Variants in RIF1 observed in about 807,000 individuals in gnomAD.
RIF1 encodes telomere-associated protein RIF1.
In RIF1, 45 loss-of-function variants were observed where a neutral mutation model predicts 247.1. The observed-to-expected ratio is 0.18, with a 90% CI of 0.14 to 0.23. RIF1 has a LOEUF of 0.23. RIF1 is among the 10% of genes least tolerant of loss of function. The pLI is 1.00. For missense variants in RIF1, 2,967 were observed against 2,862.5 expected, an observed-to-expected ratio of 1.04 and a Z score of -0.83; for synonymous variants, 1,087 against 978.8, an observed-to-expected ratio of 1.11 and a Z score of -2.06.
intron 13 of RIF1, among the ~76,000 whole-genome samples, chr2:151,437,944 AAAT>A (rs1417844518): frequency 3.3e-5 from 5 of 152,136 alleles, no homozygotes; most frequent in Non-Finnish European, 5.9e-5. Flanking sequence ...ATGGCCTATC[AAAT>A]AATGAGGAAA....
intron 12 of RIF1, chr2:151,503,318 A>G (rs1559302040): frequency 6.7e-6 from 10 of 1,488,710 alleles, no homozygotes; most frequent in Non-Finnish European, 7.5e-6. Context: ...TTTATGGGAA[A>G]TAGTTTCTTA....
intron 20 of RIF1, among the ~76,000 whole-genome samples, chr2:151,447,068 C>T (rs1024942901): frequency 1.3e-5 from 2 of 151,656 alleles, no homozygotes; most frequent in Non-Finnish European, 2.9e-5. Flanking sequence ...CTCAGCCTCC[C>T]GAGTAGCTGG....
intron 9 of RIF1, among the ~76,000 whole-genome samples, chr2:151,488,367 C>T (rs2052931176): frequency 6.6e-6 from 1 of 151,766 alleles, no homozygotes; most frequent in African/African-American, 2.4e-5. Context: ...ATAATTGTGG[C>T]CGGGCTGAGT....
the RIF1 span, among the ~76,000 whole-genome samples, chr2:151,515,570 A>G: frequency 1.3e-5 from 2 of 152,078 alleles, no homozygotes. Context: ...GCACAGAGGA[A>G]TTGTATGGTT....
intron 3 of RIF1, among the ~76,000 whole-genome samples, chr2:151,413,488 A>G (rs188018266): frequency 9.3e-4 from 141 of 152,338 alleles, no homozygotes; most frequent in Middle Eastern, 6.8e-3. Context: ...AAAATAGAAC[A>G]TGTTTATATG....
In RIF1 at chr2:151,445,299, A is replaced by T. The variant is rs775109411; in HGVS notation, c.1987-39A>T. 4 of 1,112,528 alleles carry T rather than the reference A, an allele frequency of 3.6e-6. No homozygotes were observed. In the Admixed American group the frequency reaches 6.8e-5, roughly 19 times the overall value. The allele number at this position is 1,112,528 out of a possible 1,614,324, so 68.9% of individuals were successfully genotyped here. A position where few individuals can be genotyped will look rare whatever the true frequency, so the allele number is the denominator to read the frequency against. On this transcript the variant is annotated intron_variant, in intron 18 of 35. Coordinates refer to ENST00000444746, the MANE Select transcript of RIF1 (RefSeq NM_018151.5). ...TGTTACTACTTAGGATTAGAATAAG[A>T]TGGTAATTTGTCTAACTTCATTATT...
chr2:151,472,454 T>C (rs1314015663), intron 34 of RIF1, among the ~76,000 whole-genome samples: 7 of 152,226 alleles, frequency 4.6e-5, no homozygotes, highest in Non-Finnish European at 1.0e-4. Context: ...GTGCCAGTTT[T>C]CAAAGGGAAT....
chr2:151,428,151 C>G (rs932916980), intron 8 of RIF1, among the ~76,000 whole-genome samples: 1 of 152,170 alleles, frequency 6.6e-6, no homozygotes, highest in Non-Finnish European at 1.5e-5. Flanking sequence ...ATCACTTGAA[C>G]CCAGGAGCTG....
chr2:151,492,302 T>C, intron 9 of RIF1: 2 of 1,605,080 alleles, frequency 1.2e-6, no homozygotes, highest in African/African-American at 2.7e-5. Context: ...ATGAATTTGC[T>C]TTATGAAAAT....
intron 23 of RIF1, among the ~76,000 whole-genome samples, chr2:151,457,364 C>G (rs1695380263): frequency 6.6e-6 from 1 of 152,198 alleles, no homozygotes; most frequent in African/African-American, 2.4e-5. Flanking sequence ...CTCAAGCAGT[C>G]TGCCCGCTTT....
chr2:151,457,804 G>T lies in RIF1; in HGVS notation c.2696G>T (p.Ser899Ile), dbSNP rs1046650622. 2 of 1,613,800 alleles carry T rather than the reference G, an allele frequency of 1.2e-6. No homozygotes were observed. Among genetic ancestry groups the T allele is most frequent in the Non-Finnish European group, 1.7e-6 (2 of 1,179,894 alleles). The change falls in exon 24 of 36, where the codon AGC (serine) becomes ATC (isoleucine). Residue 899 changes from serine to isoleucine, a missense_variant. Ser to Ile is a moderately radical substitution (Grantham distance 142, BLOSUM62 -2). Coordinates refer to ENST00000444746, the MANE Select transcript of RIF1 (RefSeq NM_018151.5). Reference sequence around the variant, plus strand: ...GAAATTATTGCTTGTCTGCAATTCAGCTACACCGGAACTTATGATAGTGAA... The same window carrying T: ...GAAATTATTGCTTGTCTGCAATTCATCTACACCGGAACTTATGATAGTGAA... ...LGEIIACLQFSYTGTYDSELL... is the reference protein window; with the variant it reads ...LGEIIACLQFIYTGTYDSELL...
chr2:151,430,074 G>A (rs1195915878), intron 9 of RIF1, among the ~76,000 whole-genome samples: 1 of 151,254 alleles, frequency 6.6e-6, no homozygotes, highest in East Asian at 1.9e-4. Flanking sequence ...AGGCTGGAGT[G>A]CAGTGGCACA....
downstream of RIF1, chr2:151,512,932 C>A: frequency 1.3e-6 from 1 of 785,466 alleles, no homozygotes; most frequent in South Asian, 1.6e-5. Flanking sequence ...ATTTCTTTTC[C>A]AAGAGGGACT....
At chr2:151,456,645 A>G (rs1415328739) in intron 23 of RIF1, 25 bp downstream of exon 23, 1 of 1,343,208 alleles carries the variant, frequency 7.4e-7, no homozygotes, top group Admixed American at 2.1e-5. Flanking sequence ...TTCTCCATAA[A>G]CCATACTTTC....
chr2:151,495,854 T>C (rs1241033675), intron 10 of RIF1, among the ~76,000 whole-genome samples: 4 of 152,162 alleles, frequency 2.6e-5, no homozygotes, highest in African/African-American at 9.7e-5. Context: ...TTTGTCCAAA[T>C]CTGACAGGGT....
At position 151,409,939 on chromosome 2, in the gene RIF1, C is replaced by T; in HGVS notation, c.-105C>T. 1.4e-6 allele frequency: 1 copy of T among 701,246 alleles called. No homozygotes were observed. The highest frequency in any genetic ancestry group is 2.6e-6 in the Non-Finnish European group (1 of 384,398). 43.4% of individuals were successfully genotyped at this position (701,246 alleles called of 1,614,324 possible). A position where few individuals can be genotyped will look rare whatever the true frequency, so the allele number is the denominator to read the frequency against. On this transcript the variant is annotated 5_prime_UTR_variant, in exon 1 of 36. Coordinates refer to ENST00000444746, the MANE Select transcript of RIF1 (RefSeq NM_018151.5). Reference sequence around the variant, plus strand: ...GGTCTAGGAGGGAGCGCGCCGCACGCGTGAGTAAACAGCCGGAGCTGGGAA... The same window carrying T: ...GGTCTAGGAGGGAGCGCGCCGCACGTGTGAGTAAACAGCCGGAGCTGGGAA...
In RIF1 at chr2:151,464,341, T is replaced by G. The variant is rs1383990481; in HGVS notation, c.4821T>G (p.Thr1607=). 6.2e-7 allele frequency: 1 copy of G among 1,610,584 alleles called. No homozygotes were observed. Among genetic ancestry groups the G allele is most frequent in the African/African-American group, 1.3e-5 (1 of 74,630 alleles). ...ATCAGTCACATGATTATAAAGCAAC[T>G]TCTGAAGAAGATGTAAGCATAAAAT... ...AENQSHDYKA[T]SEEDVSIKSP... The change falls in exon 30 of 36, where the codon ACT becomes ACG. Residue 1607 remains threonine (T), a synonymous_variant. Transcript: ENST00000444746.
intron 10 of RIF1, among the ~76,000 whole-genome samples, chr2:151,434,298 T>C (rs1490484017): frequency 6.6e-6 from 1 of 152,184 alleles, no homozygotes; most frequent in Non-Finnish European, 1.5e-5. Flanking sequence ...ATCCTATTTA[T>C]AGGTTCTTTT....
In RIF1 at chr2:151,433,058, G is replaced by C. The variant is rs371757920; in HGVS notation, c.926-19G>C. On this transcript the variant is annotated intron_variant, in intron 9 of 35. Coordinates refer to ENST00000444746, the MANE Select transcript of RIF1 (RefSeq NM_018151.5). ...TTAGCTTGGACGTCTCTTTAACTGT[G>C]TGCTTATTTTCTTTTAAGATATACT... 12 of 1,598,306 alleles carry C rather than the reference G, an allele frequency of 7.5e-6. No individual in the cohort carries two copies. Among genetic ancestry groups the C allele is most frequent in the Middle Eastern group, 1.7e-4 (1 of 6,004 alleles).
Sources: allele counts gnomAD v4.1 joint callset (sites outside exome capture counted in the v4.1 genomes callset), GRCh38; gene constraint gnomAD v4.1.1; transcripts MANE v1.5; gene names NCBI Gene and HGNC (gene_info 2026-07-23, HGNC 2026-07-21).